Variants in IL15 observed in about 807,000 individuals in gnomAD.
IL15 encodes the protein interleukin-15.
IL15 carries 11 observed loss-of-function variants against 19.6 expected under a neutral mutation model. The ratio of observed to expected loss-of-function variants is 0.56; its 90% CI spans 0.35 to 0.93. The LOEUF (loss-of-function observed/expected upper bound fraction) is 0.93. Among genes scored for constraint, IL15 ranks in the 40% least tolerant of loss-of-function variants. The pLI, the probability that IL15 is intolerant of heterozygous loss-of-function variation, is 0.01. For synonymous variants in IL15, 58 were observed against 59.6 expected (o/e 0.97, Z 0.12); for missense variants, 197 against 186.5 (o/e 1.06, Z -0.33).
chr4:141,671,924 T>G (rs1465921722), intron 2 of IL15, among the ~76,000 whole-genome samples: 1 of 152,206 alleles, frequency 6.6e-6, no homozygotes, highest in Non-Finnish European at 1.5e-5. Flanking sequence ...GTGGCCATCT[T>G]TGCAAACTAT....
chr4:141,685,706 C>T (rs1185214933), intron 2 of IL15, among the ~76,000 whole-genome samples: 1 of 152,076 alleles, frequency 6.6e-6, no homozygotes, highest in Non-Finnish European at 1.5e-5. Flanking sequence ...ACAAATATAT[C>T]TATTGAGTTG....
At chr4:141,714,266 C>T (rs923962897) in intron 2 of IL15, among the ~76,000 whole-genome samples, 4 of 152,102 alleles carry the variant, frequency 2.6e-5, no homozygotes, top group African/African-American at 9.7e-5. Context: ...TGACTCAGCC[C>T]TCGCCCCCTC....
chr4:141,724,729 A>C (rs893148924), intron 5 of IL15, among the ~76,000 whole-genome samples: 1 of 152,124 alleles, frequency 6.6e-6, no homozygotes, highest in Admixed American at 6.6e-5. Context: ...CAGAAACCAC[A>C]AACTACCAAA....
chr4:141,683,522 G>C (rs1441432901), intron 2 of IL15, among the ~76,000 whole-genome samples: 1 of 149,704 alleles, frequency 6.7e-6, no homozygotes, highest in Non-Finnish European at 1.5e-5. Flanking sequence ...AGTGAGCCGA[G>C]ATCGCGCCAC....
intron 7 of IL15, 60 bp from the exon 8 acceptor site, chr4:141,732,678 A>G (rs1730488390): frequency 1.4e-5 from 22 of 1,584,884 alleles, no homozygotes; most frequent in Admixed American, 1.8e-5. Context: ...TCCCATTCCC[A>G]TGAATGTATA....
chr4:141,675,060 C>T (rs1432816297), intron 2 of IL15, among the ~76,000 whole-genome samples: 1 of 151,780 alleles, frequency 6.6e-6, no homozygotes, highest in East Asian at 1.9e-4. Context: ...ACTTGAACCT[C>T]GAACAACATG....
At chr4:141,718,477 T>C (rs1328192760) in intron 2 of IL15, 1 of 152,180 alleles carries the variant, frequency 6.6e-6, no homozygotes, top group South Asian at 2.1e-4. Context: ...CAATGAGTGA[T>C]TTAGATCATA....
chr4:141,697,876 A>G (rs2131413), intron 2 of IL15, among the ~76,000 whole-genome samples: 26,566 of 151,824 alleles, frequency 0.17, 2,837 homozygotes, highest in African/African-American at 0.3. Context: ...GTACTATGTT[A>G]AATAGAAATG....
chr4:141,662,102 A>C (rs1216554221), intron 2 of IL15, among the ~76,000 whole-genome samples: 2 of 152,196 alleles, frequency 1.3e-5, no homozygotes, highest in East Asian at 3.9e-4. Flanking sequence ...TAGTTTTGTC[A>C]TGACTTGCCT....
chr4:141,645,520 G>A lies in IL15; in HGVS notation c.-222+8772G>A, dbSNP rs141232880. 1.2e-3 allele frequency among the ~76,000 whole-genome samples: 179 copies of A among 152,210 alleles called. 1 individual carries two copies. Among genetic ancestry groups the A allele is most frequent in the African/African-American group, 3.7e-3 (153 of 41,534 alleles). ...AGCAAGTCTTAGGTTGAACTATTTC[G>A]TCACTGCATTTCTAGCCTTCACTAA... is the stretch of plus-strand genomic sequence containing the variant. On this transcript the variant is annotated intron_variant, in intron 1 of 7. Transcript: ENST00000320650.
intron 2 of IL15, among the ~76,000 whole-genome samples, chr4:141,685,818 C>A (rs1188630865): frequency 1.3e-5 from 2 of 152,194 alleles, no homozygotes; most frequent in Non-Finnish European, 2.9e-5. Context: ...CTTGGCAGAT[C>A]AGAATGTTTA....
chr4:141,697,535 A>G (rs1579030065), intron 2 of IL15, among the ~76,000 whole-genome samples: 1 of 152,122 alleles, frequency 6.6e-6, no homozygotes, highest in Non-Finnish European at 1.5e-5. Context: ...TGTTTTTTCT[A>G]GTTCCGTGAA....
At chr4:141,711,430 G>A (rs1282218735) in intron 2 of IL15, among the ~76,000 whole-genome samples, 2 of 152,096 alleles carry the variant, frequency 1.3e-5, no homozygotes, top group Admixed American at 1.3e-4. Flanking sequence ...GGTTAGGGAA[G>A]CTAGTGCAGC....
chr4:141,707,755 G>A (rs907722262), intron 2 of IL15, among the ~76,000 whole-genome samples: 2 of 152,196 alleles, frequency 1.3e-5, no homozygotes, highest in African/African-American at 4.8e-5. Flanking sequence ...CACTGGGTTG[G>A]TTTTCAGGTT....
intron 2 of IL15, among the ~76,000 whole-genome samples, chr4:141,675,604 C>A (rs1728316748): frequency 6.6e-6 from 1 of 152,028 alleles, no homozygotes; most frequent in African/African-American, 2.4e-5. Context: ...ACCCTACGGC[C>A]CACAGGAAGT....
At chr4:141,708,845 T>C (rs903499958) in intron 2 of IL15, among the ~76,000 whole-genome samples, 2 of 152,158 alleles carry the variant, frequency 1.3e-5, no homozygotes, top group Non-Finnish European at 2.9e-5. Context: ...CAGGTAACTA[T>C]AGTCAGTCAT....
chr4:141,732,408 A>G (rs145945185), intron 7 of IL15, among the ~76,000 whole-genome samples: 1 of 152,326 alleles, frequency 6.6e-6, no homozygotes, highest in Non-Finnish European at 1.5e-5. Context: ...CAGCTCATGA[A>G]GAGCCTGTGT....
intron 2 of IL15, among the ~76,000 whole-genome samples, chr4:141,694,323 C>T (rs1425219939): frequency 6.6e-6 from 1 of 152,094 alleles, no homozygotes; most frequent in African/African-American, 2.4e-5. Context: ...AATAGCTGGG[C>T]ATTATTAAGG....
intron 2 of IL15, among the ~76,000 whole-genome samples, chr4:141,663,641 A>C (rs923502962): frequency 2.0e-5 from 3 of 152,214 alleles, no homozygotes; most frequent in East Asian, 1.9e-4. Context: ...TCTATGCAGC[A>C]TTCCTTCCTC....
Sources: gnomAD v4.1 joint callset for allele counts (sites outside exome capture counted in the v4.1 genomes callset) on GRCh38, gnomAD v4.1.1 for gene constraint, MANE v1.5 for transcripts, NCBI Gene and HGNC (gene_info 2026-07-23, HGNC 2026-07-21) for gene names.